Variants in NFIX observed in about 807,000 individuals in gnomAD.
The protein encoded by NFIX is nuclear factor I X, also known as nuclear factor 1 X-type.
In NFIX, 2 loss-of-function variants were observed where a neutral mutation model predicts 53.3. The ratio of observed to expected loss-of-function variants is 0.04; its 90% CI spans 0.02 to 0.12. The LOEUF (loss-of-function observed/expected upper bound fraction) is 0.12. Among genes scored for constraint, NFIX ranks in the 10% least tolerant of loss-of-function variants. The probability of loss-of-function intolerance (pLI) is 1.00; values close to 1 mark genes in which losing one functional copy is unlikely to be tolerated. For missense variants in NFIX, 310 were observed against 674.5 expected (o/e 0.46, Z 5.99); for synonymous variants, 244 against 289.0 (o/e 0.84, Z 1.58).
intron 2 of NFIX, among the ~76,000 whole-genome samples, chr19:13,054,358 A>C (rs1185900830): frequency 1.3e-5 from 2 of 152,196 alleles, no homozygotes; most frequent in African/African-American, 4.8e-5. Flanking sequence ...AATGTCTCCA[A>C]AACACAGAGC....
chr19:13,059,612 C>T (rs1007331679), intron 2 of NFIX, among the ~76,000 whole-genome samples: 2 of 152,126 alleles, frequency 1.3e-5, no homozygotes, highest in Non-Finnish European at 2.9e-5. Context: ...AAGTGTAAGC[C>T]ACCTGGCTTT....
In NFIX at chr19:13,077,059, G is replaced by A. The variant is rs575052300; in HGVS notation, c.955+1388G>A. ...GCAGAGAGAGGAGTTGAGAAGGCCC[G>A]GGAGACTCTTGGGCTACATCCTGGG... On this transcript the variant is annotated intron_variant, in intron 6 of 10. Coordinates refer to ENST00000592199, the MANE Select transcript of NFIX (RefSeq NM_001365902.3). Among the ~76,000 whole-genome samples, 17 of 152,240 alleles carry A rather than the reference G, an allele frequency of 1.1e-4. No homozygotes were observed. In the East Asian group the frequency reaches 3.1e-3, roughly 28 times the overall value.
rs1474315627 is a variant in NFIX, at chr19:13,025,275, C to T, written c.282C>T (p.Thr94=). The change falls in exon 2 of 11, where the codon ACC becomes ACT. Residue 94 remains threonine, a synonymous_variant. Coordinates refer to ENST00000592199, the MANE Select transcript of NFIX (RefSeq NM_001365902.3). The surrounding 1 kb of genome is among the most constrained non-coding windows in gnomAD (Gnocchi z 7.5). ...RPEFREDFVL[T]ITGKKPPCCV... ...AGTTCCGCGAGGACTTCGTGCTGAC[C>T]ATCACGGGCAAGAAGCCCCCCTGCT... 3 of 1,613,976 alleles carry T rather than the reference C, an allele frequency of 1.9e-6. No individual in the cohort carries two copies. In the African/African-American group the frequency reaches 4.0e-5, roughly 22 times the overall value.
Position 13,073,345 on chromosome 19 carries a change from T to C in NFIX, c.623-77T>C, listed in dbSNP as rs2016881059. ...GGGACTTGGGAGGGAGAAGCAACAGTGTGGAAGACCTTTGGAAATAGCCAG... is the reference window on the plus strand; with the variant it reads ...GGGACTTGGGAGGGAGAAGCAACAGCGTGGAAGACCTTTGGAAATAGCCAG... On this transcript the variant is annotated intron_variant, in intron 3 of 10. Transcript: ENST00000592199. This position sits in a 1 kb window ranked among gnomAD's most constrained non-coding sequence, Gnocchi z 4.5. 1 of 1,263,982 alleles carries C rather than the reference T, an allele frequency of 7.9e-7. No homozygotes were observed. Among genetic ancestry groups the C allele is most frequent in the Admixed American group, 1.7e-5 (1 of 59,380 alleles). 78.3% of individuals were successfully genotyped at this position (1,263,982 alleles called of 1,614,324 possible).
rs1283407589 is a variant in NFIX at position 13,014,092 on chromosome 19, G to C, written c.28-10929G>C. Reference sequence around the variant, plus strand: ...AAGCATTGGAATAATTAAAGAGTGAGAAATAACTCGTCTCTCCTCTCTCCT... The same window carrying C: ...AAGCATTGGAATAATTAAAGAGTGACAAATAACTCGTCTCTCCTCTCTCCT... On this transcript the variant is annotated intron_variant, in intron 1 of 10. Transcript: ENST00000592199. This position sits in a 1 kb window ranked among gnomAD's most constrained non-coding sequence, Gnocchi z 4.4. 2.0e-5 allele frequency: 3 copies of C among 152,192 alleles called. No homozygotes were observed. Among genetic ancestry groups the C allele is most frequent in the Non-Finnish European group, 4.4e-5 (3 of 68,052 alleles). The allele number at this position is 152,192 out of a possible 1,614,324, so 9.4% of individuals were successfully genotyped here.
chr19:13,062,620 C>G (rs1029254982), intron 2 of NFIX, among the ~76,000 whole-genome samples: 9 of 152,214 alleles, frequency 5.9e-5, no homozygotes, highest in Non-Finnish European at 1.2e-4. Flanking sequence ...TCCCACTTCC[C>G]CAGCCATGGA....
Position 13,095,889 on chromosome 19 carries a change from CTTTA to C in NFIX, c.*1245_*1248del, listed in dbSNP as rs1342063984. The C allele has an allele frequency of 6.9e-6, 1 of 144,226 alleles. No individual in the cohort carries two copies. The highest frequency in any genetic ancestry group is 1.5e-5 in the Non-Finnish European group (1 of 66,108). The allele number at this position is 144,226 out of a possible 1,614,324, so 8.9% of individuals were successfully genotyped here. On this transcript the variant is annotated 3_prime_UTR_variant, in exon 11 of 11. Transcript: ENST00000592199. ...GGATTTTAGCTGTAATGTCTTTACT[CTTTA>C]TTTAGGGGTGGGGCATTCATTGTTT...
In NFIX at chr19:13,012,938, G is replaced by T. The variant is rs961865326; in HGVS notation, c.28-12083G>T. On this transcript the variant is annotated intron_variant, in intron 1 of 10. Transcript: ENST00000592199. The surrounding 1 kb of genome is among the most constrained non-coding windows in gnomAD (Gnocchi z 5.0). The stretch of plus-strand genomic sequence containing the variant: ...TACCAGGGGAGATTTTTGTTTCCAG[G>T]GTTGGCTGGGTTTGGGGGATTTTGT... Among the ~76,000 whole-genome samples the T allele has an allele frequency of 8.4e-5, 10 of 118,634 alleles. No individual in the cohort carries two copies. The highest frequency in any genetic ancestry group is 1.7e-4 in the Admixed American group (2 of 11,654). 77.8% of individuals were successfully genotyped at this position (118,634 alleles called of 152,430 possible). A position where few individuals can be genotyped will look rare whatever the true frequency, so the allele number is the denominator to read the frequency against.
intron 2 of NFIX, among the ~76,000 whole-genome samples, chr19:13,050,424 C>T (rs2015256406): frequency 6.6e-6 from 1 of 152,240 alleles, no homozygotes; most frequent in Admixed American, 6.5e-5. Flanking sequence ...GCCAGTCCCT[C>T]CCTCTGAGGG....
At chr19:13,032,147 G>A (rs2013864896) in intron 2 of NFIX, among the ~76,000 whole-genome samples, 1 of 152,212 alleles carries the variant, frequency 6.6e-6, no homozygotes, top group South Asian at 2.1e-4. Flanking sequence ...GGGGGCAGGA[G>A]AGAAAGAGCT....
intron 1 of NFIX, among the ~76,000 whole-genome samples, chr19:13,015,808 A>ACACACGCACACG (rs3046156): frequency 3.7e-4 from 56 of 150,810 alleles, no homozygotes; most frequent in Non-Finnish European, 6.2e-4. Context: ...ACACACACAC[A>ACACACGCACACG]CACACGCACA....
At chr19:13,053,601 C>T (rs537344726) in intron 2 of NFIX, among the ~76,000 whole-genome samples, 1 of 152,258 alleles carries the variant, frequency 6.6e-6, no homozygotes, top group African/African-American at 2.4e-5. Context: ...CATCCTCCAT[C>T]CTCATTCCCA....
Position 13,088,967 on chromosome 19 carries a change from T to C in NFIX, c.1402+831T>C, listed in dbSNP as rs2017972141. 2.0e-5 allele frequency among the ~76,000 whole-genome samples: 3 copies of C among 149,662 alleles called. No individual in the cohort carries two copies. Among genetic ancestry groups the C allele is most frequent in the South Asian group, 4.3e-4 (2 of 4,650 alleles). ...AAGGACAGGAGGATGGGGCGGGTGC[T>C]GTCTGTGGGCCAGGGTGGGCAGCTC... On this transcript the variant is annotated intron_variant, in intron 9 of 10. Coordinates refer to ENST00000592199, the MANE Select transcript of NFIX (RefSeq NM_001365902.3). This position sits in a 1 kb window ranked among gnomAD's most constrained non-coding sequence, Gnocchi z 5.9.
chr19:13,046,465 TC>T (rs369335435), intron 2 of NFIX, among the ~76,000 whole-genome samples: 2,438 of 150,734 alleles, frequency 0.016, 34 homozygotes, highest in African/African-American at 0.034. Context: ...CGCGTTGCCT[TC>T]CCCCCCCCTC....
chr19:13,003,480 AAC>A (rs1478203617), intron 1 of NFIX, among the ~76,000 whole-genome samples: 2 of 152,058 alleles, frequency 1.3e-5, no homozygotes, highest in Non-Finnish European at 2.9e-5. Flanking sequence ...CAGTGCCCAA[AAC>A]ACACACATGA....
chr19:13,019,192 A>C (rs906099024), intron 1 of NFIX, among the ~76,000 whole-genome samples: 13 of 152,140 alleles, frequency 8.5e-5, no homozygotes, highest in Admixed American at 6.5e-4. Context: ...TTATGCTTCT[A>C]GATGTTTCAC....
At chr19:13,024,616 T>A in intron 1 of NFIX, 1 of 1,536,196 alleles carries the variant, frequency 6.5e-7, no homozygotes, top group East Asian at 2.4e-5. Flanking sequence ...TGACAGGAGT[T>A]CACGGCTGCG....
rs2017931728 is a variant in NFIX at position 13,088,496 on chromosome 19, TTTTTTTG to T, written c.1402+373_1402+379del. On this transcript the variant is annotated intron_variant, in intron 9 of 10. Coordinates refer to ENST00000592199, the MANE Select transcript of NFIX (RefSeq NM_001365902.3). This position sits in a 1 kb window ranked among gnomAD's most constrained non-coding sequence, Gnocchi z 5.9. The stretch of plus-strand genomic sequence containing the variant: ...TCTTCATGCCTGATTGCTGTTTTTT[TTTTTTTG>T]TTTTTTGTTTTTGTTTTTTAATTTT... Among the ~76,000 whole-genome samples the T allele has an allele frequency of 1.3e-5, 2 of 151,558 alleles. No individual in the cohort carries two copies. Among genetic ancestry groups the T allele is most frequent in the South Asian group, 4.2e-4 (2 of 4,816 alleles).
chr19:13,038,836 CAG>C (rs1295829006), intron 2 of NFIX, among the ~76,000 whole-genome samples: 1 of 152,114 alleles, frequency 6.6e-6, no homozygotes, highest in Non-Finnish European at 1.5e-5. Flanking sequence ...GAGATTTGGC[CAG>C]AGAGAGGGGA....
Sources: allele counts gnomAD v4.1 joint callset (sites outside exome capture counted in the v4.1 genomes callset), GRCh38; gene constraint gnomAD v4.1.1; non-coding constraint Gnocchi (gnomAD v3.1); transcripts MANE v1.5; gene names NCBI Gene and HGNC (gene_info 2026-07-23, HGNC 2026-07-21).